Variants in ASB7 observed in about 807,000 individuals in gnomAD.
ASB7 encodes ankyrin repeat and SOCS box protein 7.
ASB7 carries 4 observed loss-of-function variants against 32.5 expected under a neutral mutation model. That is an observed-to-expected ratio of 0.12 (90% CI 0.06 to 0.28). The LOEUF is 0.28. Ranked by LOEUF, ASB7 falls within the 10% of genes least tolerant of loss-of-function variation. The pLI is 1.00. For synonymous variants in ASB7, 172 were observed against 155.6 expected (o/e 1.11, Z -0.78); for missense variants, 181 against 407.1 (o/e 0.44, Z 4.78).
At position 100,648,539 on chromosome 15, in the gene ASB7, C is replaced by A; in HGVS notation, c.*77C>A. Reference sequence around the variant, plus strand: ...GCTTTTTGCCTTGCACAAAGTATATCCTATGCAATTTCTGATTTGCTGTGA... The same window carrying A: ...GCTTTTTGCCTTGCACAAAGTATATACTATGCAATTTCTGATTTGCTGTGA... On this transcript the variant is annotated 3_prime_UTR_variant, in exon 6 of 6. Coordinates refer to ENST00000332783, the MANE Select transcript of ASB7 (RefSeq NM_198243.3). 8.4e-7 allele frequency: 1 copy of A among 1,197,126 alleles called. No individual in the cohort carries two copies. Among genetic ancestry groups the A allele is most frequent in the Non-Finnish European group, 1.1e-6 (1 of 877,660 alleles). 74.2% of individuals were successfully genotyped at this position (1,197,126 alleles called of 1,614,324 possible).
chr15:100,618,335 G>T (rs532051511), intron 4 of ASB7, among the ~76,000 whole-genome samples: 2 of 151,784 alleles, frequency 1.3e-5, no homozygotes, highest in East Asian at 3.9e-4. Context: ...GGCTGGTCCC[G>T]AACTCCTGAT....
chr15:100,638,627 T>G (rs1197750694), intron 5 of ASB7, among the ~76,000 whole-genome samples: 1 of 152,246 alleles, frequency 6.6e-6, no homozygotes, highest in Non-Finnish European at 1.5e-5. Flanking sequence ...ACATCATTTA[T>G]TTGTTGACGA....
intron 5 of ASB7, chr15:100,645,630 G>C: frequency 1.0e-6 from 1 of 970,872 alleles, no homozygotes; most frequent in South Asian, 1.3e-5. Flanking sequence ...GTAGGAGACC[G>C]TTTTACTGAT....
In ASB7 at chr15:100,611,484, C is replaced by CTTTTTTTTTTTTTTTATT. The variant is rs61153969; in HGVS notation, c.-51-669_-51-668insTTATTTTTTTTTTTTTTT. On this transcript the variant is annotated intron_variant, in intron 3 of 5. Transcript: ENST00000332783. ...GGTTAATCACCAGATTGTTTCGATT[C>CTTTTTTTTTTTTTTTATT]TTTTTTTTTTTTTGAGACAGAATTT... 2.6e-5 allele frequency among the ~76,000 whole-genome samples: 2 copies of CTTTTTTTTTTTTTTTATT among 77,144 alleles called. 1 individual carries two copies. The highest frequency in any genetic ancestry group is 4.6e-5 in the Non-Finnish European group (2 of 43,162). The allele number at this position is 77,144 out of a possible 152,430, so 50.6% of individuals were successfully genotyped here.
chr15:100,648,656 C>A lies in ASB7; in HGVS notation c.*194C>A. 1 of 463,438 alleles carries A rather than the reference C, an allele frequency of 2.2e-6. No homozygotes were observed. Among genetic ancestry groups the A allele is most frequent in the Non-Finnish European group, 3.8e-6 (1 of 264,164 alleles). The allele number at this position is 463,438 out of a possible 1,614,324, so 28.7% of individuals were successfully genotyped here. A position where few individuals can be genotyped will look rare whatever the true frequency, so the allele number is the denominator to read the frequency against. On this transcript the variant is annotated 3_prime_UTR_variant, in exon 6 of 6. Transcript: ENST00000332783. ...GATTTTTTATATATATATAAAAACA[C>A]ACACCACATGCTTGAAGGTCTTAAT...
rs186267988 is a variant in ASB7 at position 100,643,469 on chromosome 15, C to G, written c.818-4854C>G. 4.1e-4 allele frequency among the ~76,000 whole-genome samples: 61 copies of G among 150,042 alleles called. 2 individuals are homozygous for G. In the East Asian group the frequency reaches 6.3e-3, roughly 15 times the overall value. ...CCATTCCATAACCTTTTGTCTCAGT[C>G]CCTTCTTCTTTTTTTTTTTTTTTTT... On this transcript the variant is annotated intron_variant, in intron 5 of 5. Transcript: ENST00000332783.
In ASB7 at chr15:100,602,960, C is replaced by A; in HGVS notation, c.-359C>A. 1 of 399,140 alleles carries A rather than the reference C, an allele frequency of 2.5e-6. No individual in the cohort carries two copies. The highest frequency in any genetic ancestry group is 4.4e-6 in the Non-Finnish European group (1 of 226,490). The allele number at this position is 399,140 out of a possible 1,614,324, so 24.7% of individuals were successfully genotyped here. The stretch of plus-strand genomic sequence containing the variant: ...GAGGATCAGGAACACCAGGGTCCGG[C>A]CCTGCCTGGGGTATTTCTTCAATGG... On this transcript the variant is annotated 5_prime_UTR_variant, in exon 1 of 6. Transcript: ENST00000332783.
intron 4 of ASB7, among the ~76,000 whole-genome samples, chr15:100,623,351 C>T (rs1254590574): frequency 6.6e-6 from 1 of 152,098 alleles, no homozygotes; most frequent in Non-Finnish European, 1.5e-5. Context: ...TGCAGGTAGC[C>T]GAGATCATGC....
At chr15:100,642,039 C>A (rs754100281) in intron 5 of ASB7, among the ~76,000 whole-genome samples, 2 of 152,190 alleles carry the variant, frequency 1.3e-5, no homozygotes, top group Non-Finnish European at 2.9e-5. Flanking sequence ...AAAGGAAATT[C>A]TGCAGACAGG....
chr15:100,632,556 TG>T (rs747228530), intron 5 of ASB7, among the ~76,000 whole-genome samples: 2 of 152,164 alleles, frequency 1.3e-5, no homozygotes. Context: ...GAAGGTTGGT[TG>T]GTTCAGGGAG....
rs1461479830 is a variant in ASB7 at position 100,641,317 on chromosome 15, ACTTCT to A, written c.818-7002_818-6998del. Among the ~76,000 whole-genome samples, 3 of 152,288 alleles carry A rather than the reference ACTTCT, an allele frequency of 2.0e-5. No homozygotes were observed. The South Asian group carries it at 6.2e-4, about 32-fold the overall frequency. Reference sequence around the variant, plus strand: ...GCGATCTGTTGACAAAAAAATAAGTACTTCTCTTTCAGTCATAATCTTCTACTCTT... The same window carrying A: ...GCGATCTGTTGACAAAAAAATAAGTACTTTCAGTCATAATCTTCTACTCTT... On this transcript the variant is annotated intron_variant, in intron 5 of 5. Coordinates refer to ENST00000332783, the MANE Select transcript of ASB7 (RefSeq NM_198243.3).
At chr15:100,611,506 A>ATTTTT (rs1432425863) in intron 3 of ASB7, among the ~76,000 whole-genome samples, 1 of 9,296 alleles carries the variant, frequency 1.1e-4, no homozygotes. Context: ...TTGAGACAGA[A>ATTTTT]TTTCACTCTC....
At chr15:100,636,872 T>C (rs1392951956) in intron 5 of ASB7, among the ~76,000 whole-genome samples, 1 of 152,212 alleles carries the variant, frequency 6.6e-6, no homozygotes, top group African/African-American at 2.4e-5. Context: ...AATACTAAGA[T>C]GTGATTTGCC....
At chr15:100,632,861 A>AC (rs113954724) in intron 5 of ASB7, among the ~76,000 whole-genome samples, 95,628 of 147,900 alleles carry the variant, frequency 0.65, 30,854 homozygotes, top group East Asian at 0.81. Flanking sequence ...TAGTGCAAAA[A>AC]AAAAAAAAAA....
intron 2 of ASB7, among the ~76,000 whole-genome samples, chr15:100,603,666 C>T (rs1388292080): frequency 6.6e-6 from 1 of 152,086 alleles, no homozygotes; most frequent in East Asian, 1.9e-4. Flanking sequence ...TTGTTAATTG[C>T]TTGTTAATTC....
chr15:100,609,097 A>G (rs1351702094), intron 2 of ASB7, among the ~76,000 whole-genome samples: 1 of 152,164 alleles, frequency 6.6e-6, no homozygotes, highest in African/African-American at 2.4e-5. Flanking sequence ...TTGTGGAGAG[A>G]GTTTATTCAG....
chr15:100,643,882 C>G (rs2039979720), intron 5 of ASB7, among the ~76,000 whole-genome samples: 1 of 152,090 alleles, frequency 6.6e-6, no homozygotes, highest in African/African-American at 2.4e-5. Context: ...TTTAAGTATG[C>G]CTGTATACAC....
intron 5 of ASB7, among the ~76,000 whole-genome samples, chr15:100,637,544 C>T (rs147913235): frequency 1.2e-3 from 190 of 152,230 alleles, no homozygotes; most frequent in African/African-American, 4.4e-3. Flanking sequence ...ATGACTAATG[C>T]GTAATGTGAC....
intron 4 of ASB7, among the ~76,000 whole-genome samples, chr15:100,619,417 A>T (rs1255328560): frequency 6.6e-6 from 1 of 152,282 alleles, no homozygotes; most frequent in Non-Finnish European, 1.5e-5. Flanking sequence ...GTATGTGAAC[A>T]TATCAGAAGG....
Sources: gnomAD v4.1 joint callset for allele counts (sites outside exome capture counted in the v4.1 genomes callset) on GRCh38, gnomAD v4.1.1 for gene constraint, MANE v1.5 for transcripts, NCBI Gene and HGNC (gene_info 2026-07-23, HGNC 2026-07-21) for gene names.